KRT27: variants seen among roughly 807,000 people sequenced by gnomAD.
The protein encoded by KRT27 is keratin 27, also known as keratin, type I cytoskeletal 27.
In KRT27, 30 loss-of-function variants were observed where a neutral mutation model predicts 45.3. The observed-to-expected ratio is 0.66, with a 90% CI of 0.50 to 0.90. The LOEUF (loss-of-function observed/expected upper bound fraction) is 0.90. Among genes scored for constraint, KRT27 ranks in the 40% least tolerant of loss-of-function variants. KRT27 has a pLI of 0.00. For synonymous variants in KRT27, 204 were observed against 223.9 expected (o/e 0.91, Z 0.79); for missense variants, 610 against 564.3 (o/e 1.08, Z -0.82).
Position 40,777,318 on chromosome 17 carries a change from G to A in KRT27, c.1191-16C>T. On this transcript the variant is annotated splice_polypyrimidine_tract_variant and intron_variant, in intron 6 of 7. Coordinates refer to ENST00000301656, the MANE Select transcript of KRT27 (RefSeq NM_181537.4). ...AGAACAGGAGCTGTAAAAGTATAGA[G>A]CGCTTATATTAATTATTCTGTTTTA... 6.3e-7 allele frequency: 1 copy of A among 1,599,842 alleles called. No individual in the cohort carries two copies.
intron 1 of KRT27, 140 bp downstream of exon 1, chr17:40,781,910 T>G: frequency 1.6e-6 from 1 of 642,654 alleles, no homozygotes; most frequent in East Asian, 2.8e-5. Flanking sequence ...TTAGAAATTA[T>G]TTTTAATATT....
In KRT27 at chr17:40,777,515, C is replaced by T; in HGVS notation, c.1190G>A (p.Gly397Asp). ...TTTTCTCAATGGCGGCAATACTGAC[C>T]CATCTTCTCCATCTATCAGGAGGCA... ...TYCLLIDGED[G>D]SCSKSKGYGG... Residue 397 changes from glycine (G) to aspartate (D), a missense_variant and splice_region_variant, in exon 6 of 8, where the codon GGC becomes GAC. Transcript: ENST00000301656. 6.2e-7 allele frequency: 1 copy of T among 1,613,722 alleles called. No homozygotes were observed. Among genetic ancestry groups the T allele is most frequent in the Non-Finnish European group, 8.5e-7 (1 of 1,179,734 alleles).
intron 3 of KRT27, 100 bp from the exon 4 acceptor site, chr17:40,779,961 G>C (rs1031672167): frequency 1.5e-6 from 2 of 1,317,920 alleles, no homozygotes; most frequent in Non-Finnish European, 2.1e-6. Flanking sequence ...AAATGCAGTG[G>C]TGCAATTATG....
chr17:40,779,622 G>A lies in KRT27; in HGVS notation c.852C>T (p.Ala284=), dbSNP rs1004592519. Residue 284 remains alanine, a synonymous_variant, in exon 5 of 8, where the codon GCC becomes GCT. Coordinates refer to ENST00000301656, the MANE Select transcript of KRT27 (RefSeq NM_181537.4). ...DAEAWFNEKS[A]SLQQQISDDA... ...CGTCAGAGATCTGCTGCTGCAGCGA[G>A]GCGCTCTGGAACGGCAGGGGCCGCG... 3.1e-6 allele frequency: 5 copies of A among 1,614,102 alleles called. No individual in the cohort carries two copies. The highest frequency in any genetic ancestry group is 3.3e-5 in the Admixed American group (2 of 60,010).
chr17:40,782,242 C>T lies in KRT27; in HGVS notation c.252G>A (p.Glu84=), dbSNP rs764948448. ...CGTTGAGGTTCTGCATGGTCACCTT[C>T]TCATTGCCAGAGAGGAGGCCGTGCT... is the stretch of plus-strand genomic sequence containing the variant. The part of the protein sequence containing the change: ...GNEHGLLSGN[E]KVTMQNLNDR... The change falls in exon 1 of 8, where the codon GAG becomes GAA. Residue 84 remains glutamate (E), a synonymous_variant. Transcript: ENST00000301656. The T allele has an allele frequency of 1.2e-6, 2 of 1,614,236 alleles. No individual in the cohort carries two copies. The highest frequency in any genetic ancestry group is 1.7e-5 in the Admixed American group (1 of 60,036).
At chr17:40,779,892 T>G in intron 3 of KRT27, 31 bp from the exon 4 acceptor site, 2 of 1,584,254 alleles carry the variant, frequency 1.3e-6, no homozygotes, top group Non-Finnish European at 1.7e-6. Flanking sequence ...GGAATTAGGA[T>G]CTGAATATTT....
rs376681073 is a variant in KRT27, at chr17:40,782,065, G to C, written c.429C>G (p.Asp143Glu). Residue 143 changes from aspartate to glutamate, a missense_variant, in exon 1 of 8, where the codon GAC (aspartate) becomes GAG (glutamate). By Grantham distance (45) the Asp-to-Glu change is conservative. Coordinates refer to ENST00000301656, the MANE Select transcript of KRT27 (RefSeq NM_181537.4). ...HDYSRYFPII[D>E]ELKNQIISAT... is the part of the protein sequence containing the mutation. ...CGTTTCTTACCTGGTTCTTAAGTTCGTCAATAATTGGGAAATATCTGCTGT... is the reference window on the plus strand; with the variant it reads ...CGTTTCTTACCTGGTTCTTAAGTTCCTCAATAATTGGGAAATATCTGCTGT... The C allele has an allele frequency of 3.1e-6, 5 of 1,611,040 alleles. No individual in the cohort carries two copies. Among genetic ancestry groups the C allele is most frequent in the Non-Finnish European group, 4.2e-6 (5 of 1,179,870 alleles).
Position 40,779,594 on chromosome 17 carries a change from C to T in KRT27, c.880G>A (p.Ala294Thr). ...ASLQQQISDD[A>T]GATTSARNEL... The stretch of plus-strand genomic sequence containing the variant: ...TTCCGGGCTGAGGTGGTGGCGCCAG[C>T]GTCGTCAGAGATCTGCTGCTGCAGC... Residue 294 changes from alanine to threonine, a missense_variant, in exon 5 of 8, where the codon GCT (alanine) becomes ACT (threonine). Ala to Thr is a moderately conservative substitution (Grantham distance 58, BLOSUM62 0). Transcript: ENST00000301656. 1 of 1,614,206 alleles carries T rather than the reference C, an allele frequency of 6.2e-7. No homozygotes were observed. The highest frequency in any genetic ancestry group is 8.5e-7 in the Non-Finnish European group (1 of 1,180,012).
chr17:40,776,816 A>G lies in KRT27; in HGVS notation c.*183T>C. The stretch of plus-strand genomic sequence containing the variant: ...GCCAGAACCAGGGAAGATGACTTGC[A>G]ACAGGAAGAACTTTTATTGAAACAC... On this transcript the variant is annotated 3_prime_UTR_variant, in exon 8 of 8. Coordinates refer to ENST00000301656, the MANE Select transcript of KRT27 (RefSeq NM_181537.4). 2.0e-6 allele frequency: 1 copy of G among 496,816 alleles called. No individual in the cohort carries two copies. The highest frequency in any genetic ancestry group is 3.4e-6 in the Non-Finnish European group (1 of 290,246). The allele number at this position is 496,816 out of a possible 1,614,324, so 30.8% of individuals were successfully genotyped here.
In KRT27 at chr17:40,778,313, T is replaced by A. The variant is rs572936207; in HGVS notation, c.973-581A>T. ...TCAGAGGGAACACTCACTGCAATTT[T>A]ACATGGAATGAAGATGAGAGTGTCT... is the stretch of plus-strand genomic sequence containing the variant. On this transcript the variant is annotated intron_variant, in intron 5 of 7. Coordinates refer to ENST00000301656, the MANE Select transcript of KRT27 (RefSeq NM_181537.4). Among the ~76,000 whole-genome samples, 15 of 152,386 alleles carry A rather than the reference T, an allele frequency of 9.8e-5. No homozygotes were observed. The East Asian group carries it at 2.3e-3, about 23-fold the overall frequency.
chr17:40,779,550 T>C lies in KRT27; in HGVS notation c.924A>G (p.Lys308=). The stretch of plus-strand genomic sequence containing the variant: ...CAATCTCAAGGGTTTGAAGAGTGCG[T>C]TTCATCTCGATAAGCTCATTCCGGG... ...TSARNELIEM[K]RTLQTLEIEL... The change falls in exon 5 of 8, where the codon AAA becomes AAG. Residue 308 remains lysine, a synonymous_variant. Coordinates refer to ENST00000301656, the MANE Select transcript of KRT27 (RefSeq NM_181537.4). 1.2e-6 allele frequency: 2 copies of C among 1,614,234 alleles called. No individual in the cohort carries two copies. Among genetic ancestry groups the C allele is most frequent in the East Asian group, 2.2e-5 (1 of 44,886 alleles).
intron 2 of KRT27, 121 bp downstream of exon 2, chr17:40,781,067 A>T: frequency 1.7e-6 from 1 of 572,880 alleles, no homozygotes; most frequent in Non-Finnish European, 2.9e-6. Context: ...CATTTTGTTT[A>T]AAACAAATAC....
rs762681877 is a variant in KRT27 at position 40,779,490 on chromosome 17, C to T, written c.972+12G>A. On this transcript the variant is annotated intron_variant, in intron 5 of 7. Coordinates refer to ENST00000301656, the MANE Select transcript of KRT27 (RefSeq NM_181537.4). ...TTTCTAAAGCAAATCTGTTTTGTAA[C>T]TTTTCGCTTACCGTTGCTAAGAGGG... The T allele has an allele frequency of 3.1e-6, 5 of 1,590,760 alleles. No individual in the cohort carries two copies. The highest frequency in any genetic ancestry group is 4.3e-6 in the Non-Finnish European group (5 of 1,168,892).
In KRT27 at chr17:40,782,238, C is replaced by T. The variant is rs1218091499; in HGVS notation, c.256G>A (p.Val86Met). ...CGGTCGTTGAGGTTCTGCATGGTCA[C>T]CTTCTCATTGCCAGAGAGGAGGCCG... ...EHGLLSGNEK[V>M]TMQNLNDRLA... The change falls in exon 1 of 8, where the codon GTG (valine) becomes ATG (methionine). Residue 86 changes from valine (V) to methionine (M), a missense_variant. Physicochemically the swap from Val to Met is conservative, Grantham distance 21. Coordinates refer to ENST00000301656, the MANE Select transcript of KRT27 (RefSeq NM_181537.4). 2 of 1,614,228 alleles carry T rather than the reference C, an allele frequency of 1.2e-6. No homozygotes were observed. The highest frequency in any genetic ancestry group is 1.7e-5 in the Admixed American group (1 of 60,032).
chr17:40,782,017 G>T, intron 1 of KRT27, 33 bp downstream of exon 1: 1 of 1,569,312 alleles, frequency 6.4e-7, no homozygotes, highest in Non-Finnish European at 8.6e-7. Context: ...ACACTCTCAG[G>T]AGTGCTAACA....
chr17:40,778,797 G>A (rs556278271), intron 5 of KRT27, among the ~76,000 whole-genome samples: 8 of 152,022 alleles, frequency 5.3e-5, no homozygotes, highest in Non-Finnish European at 1.2e-4. Context: ...GCTAGGAGTG[G>A]TGCAAATGTA....
chr17:40,777,425 G>C, intron 6 of KRT27, 90 bp downstream of exon 6: 1 of 1,523,796 alleles, frequency 6.6e-7, no homozygotes, highest in Non-Finnish European at 9.1e-7. Flanking sequence ...ATCTATGCGT[G>C]ATCTAGATCA....
In KRT27 at chr17:40,779,706, G is replaced by C. The variant is rs368841575; in HGVS notation, c.840C>G (p.Asn280Lys). ...CACCCAAGCGTGGTTTTACCTTTTC[G>C]TTGAACCAGGCCTCCGCGTCCCTGC... ...QNRRDAEAWFNEKSASLQQQI... is the reference protein window; with the variant it reads ...QNRRDAEAWFKEKSASLQQQI... The change falls in exon 4 of 8, where the codon AAC becomes AAG. Residue 280 changes from asparagine to lysine, a missense_variant. Transcript: ENST00000301656. The C allele has an allele frequency of 3.0e-5, 49 of 1,613,636 alleles. No homozygotes were observed. The highest frequency in any genetic ancestry group is 4.0e-5 in the Non-Finnish European group (47 of 1,179,810).
intron 4 of KRT27, 30 bp from the exon 5 acceptor site, chr17:40,779,657 T>C: frequency 6.2e-7 from 1 of 1,613,664 alleles, no homozygotes; most frequent in Non-Finnish European, 8.5e-7. Context: ...GTTAGGGCGC[T>C]GGGGCTGAGT....
Sources: gnomAD v4.1 joint callset for allele counts (sites outside exome capture counted in the v4.1 genomes callset) on GRCh38, gnomAD v4.1.1 for gene constraint, MANE v1.5 for transcripts, NCBI Gene and HGNC (gene_info 2026-07-23, HGNC 2026-07-21) for gene names.